The following GLE1 variants were observed in gnomAD, a reference collection of about 807,000 sequenced individuals.
The protein encoded by GLE1 is mRNA export factor GLE1.
In GLE1, 78 loss-of-function variants were observed where a neutral mutation model predicts 97.3. The observed-to-expected ratio is 0.80, with a 90% confidence interval of 0.67 to 0.97. The LOEUF is 0.97. Ranked by LOEUF, GLE1 falls within the 50% of genes least tolerant of loss-of-function variation. The probability of loss-of-function intolerance (pLI) is 0.00; values close to 1 mark genes in which losing one functional copy is unlikely to be tolerated. For synonymous variants in GLE1, 302 were observed against 313.4 expected, an observed-to-expected ratio of 0.96 and a Z score of 0.39; for missense variants, 753 against 857.5, an observed-to-expected ratio of 0.88 and a Z score of 1.52.
At chr9:128,512,020 G>T (rs1846840312) in intron 2 of GLE1, among the ~76,000 whole-genome samples, 2 of 152,106 alleles carry the variant, frequency 1.3e-5, no homozygotes, top group African/African-American at 4.8e-5. Context: ...ATGTTGGCCA[G>T]GCTGGTCTCG....
At chr9:128,505,996 TA>T (rs1235507461) in intron 1 of GLE1, among the ~76,000 whole-genome samples, 2 of 152,228 alleles carry the variant, frequency 1.3e-5, no homozygotes, top group African/African-American at 2.4e-5. Context: ...CCATTACTTT[TA>T]TTATTTATTT....
At chr9:128,517,342 G>A (rs78174899) in intron 3 of GLE1, among the ~76,000 whole-genome samples, 1,603 of 152,234 alleles carry the variant, frequency 0.011, 32 homozygotes, top group East Asian at 0.074. Context: ...TGCCTCATTG[G>A]TCATTGAGTC....
chr9:128,511,285 T>C (rs1846813581), intron 2 of GLE1, among the ~76,000 whole-genome samples: 1 of 148,784 alleles, frequency 6.7e-6, no homozygotes, highest in South Asian at 2.1e-4. Flanking sequence ...CATAAATATA[T>C]ATATTTATGT....
rs1478440759 is a variant in GLE1 at position 128,527,505 on chromosome 9, G to A, written c.1292G>A (p.Ser431Asn). 1 of 1,611,524 alleles carries A rather than the reference G, an allele frequency of 6.2e-7. No individual in the cohort carries two copies. The highest frequency in any genetic ancestry group is 8.5e-7 in the Non-Finnish European group (1 of 1,177,780). Residue 431 changes from serine (S) to asparagine (N), a missense_variant, in exon 9 of 16, where the codon AGC becomes AAC. Physicochemically the swap from Ser to Asn is conservative, Grantham distance 46. Transcript: ENST00000309971. ...CAGAAGGCTGCTACCATCCCAGTGA[G>A]CCAAATCTCTACCATTGCAGGTTGG... The part of the protein sequence containing the change: ...DLQKAATIPV[S>N]QISTIAGSKL...
chr9:128,528,507 G>A (rs1847379075), intron 9 of GLE1, among the ~76,000 whole-genome samples: 1 of 151,796 alleles, frequency 6.6e-6, no homozygotes, highest in East Asian at 1.9e-4. Flanking sequence ...GTTTCACCGT[G>A]TTAACCAGGA....
In GLE1 at chr9:128,523,863, A is replaced by G. The variant is rs746263755; in HGVS notation, c.897+17A>G. 6 of 1,613,560 alleles carry G rather than the reference A, an allele frequency of 3.7e-6. No individual in the cohort carries two copies. Among genetic ancestry groups the G allele is most frequent in the Non-Finnish European group, 5.1e-6 (6 of 1,179,774 alleles). On this transcript the variant is annotated intron_variant, in intron 6 of 15. Transcript: ENST00000309971. ...TCTTCAGAGGTGAGGGGGGCTTCAG[A>G]GTGACTCTTTGCTGTCTTTGAAATG...
At chr9:128,514,569 A>G (rs1846923851) in intron 2 of GLE1, among the ~76,000 whole-genome samples, 1 of 151,250 alleles carries the variant, frequency 6.6e-6, no homozygotes, top group South Asian at 2.1e-4. Flanking sequence ...CAGCCTCCCG[A>G]GTAGCTGGGA....
Position 128,523,828 on chromosome 9 carries a change from C to T in GLE1, c.879C>T (p.Ile293=). The T allele has an allele frequency of 1.2e-6, 2 of 1,614,042 alleles. No individual in the cohort carries two copies. The highest frequency in any genetic ancestry group is 1.3e-5 in the African/African-American group (1 of 75,040). The stretch of plus-strand genomic sequence containing the variant: ...AGCTGTGCAGCCTCATCTCAGGGAT[C>T]ATCCGGGCCTCTTCAGAGGTGAGGG... ...GNQLCSLISG[I]IRASSESSYP... The change falls in exon 6 of 16, where the codon ATC becomes ATT. Residue 293 remains isoleucine (I), a synonymous_variant. Transcript: ENST00000309971.
intron 9 of GLE1, 53 bp from the exon 10 acceptor site, chr9:128,533,460 A>G: frequency 2.1e-6 from 3 of 1,414,588 alleles, no homozygotes; most frequent in South Asian, 1.2e-5. Flanking sequence ...AAAGGAAAAG[A>G]AAAAGAGATT....
chr9:128,533,527 G>A lies in GLE1; in HGVS notation c.1327G>A (p.Glu443Lys). The change falls in exon 10 of 16, where the codon GAG becomes AAG. Residue 443 changes from glutamate to lysine, a missense_variant. Transcript: ENST00000309971. The stretch of plus-strand genomic sequence containing the variant: ...ATCATGCTCAGGCTCAAAACTGAAG[G>A]AGATCTTTGACAAGATCCACAGCCT... ...ISTIAGSKLK[E>K]IFDKIHSLLS... is the part of the protein sequence containing the mutation. The A allele has an allele frequency of 1.9e-6, 3 of 1,611,724 alleles. No individual in the cohort carries two copies. Among genetic ancestry groups the A allele is most frequent in the Non-Finnish European group, 2.5e-6 (3 of 1,178,272 alleles).
At chr9:128,508,488 A>G (rs1240956313) in intron 1 of GLE1, among the ~76,000 whole-genome samples, 2 of 152,226 alleles carry the variant, frequency 1.3e-5, no homozygotes, top group African/African-American at 4.8e-5. Context: ...CAATGACAAG[A>G]TCACCTAACC....
At chr9:128,533,253 A>G (rs1021278134) in intron 9 of GLE1, among the ~76,000 whole-genome samples, 1 of 150,868 alleles carries the variant, frequency 6.6e-6, no homozygotes, top group African/African-American at 2.4e-5. Context: ...GTGAAATCCC[A>G]TCTCTACAAA....
intron 9 of GLE1, among the ~76,000 whole-genome samples, chr9:128,531,324 T>G (rs1029086294): frequency 6.6e-6 from 1 of 150,686 alleles, no homozygotes; most frequent in Non-Finnish European, 1.5e-5. Context: ...GGTCAGGAGT[T>G]CAAGACCAGC....
At chr9:128,534,828 C>G (rs1285997303) in intron 11 of GLE1, among the ~76,000 whole-genome samples, 1 of 151,742 alleles carries the variant, frequency 6.6e-6, no homozygotes, top group Non-Finnish European at 1.5e-5. Context: ...AAGTGATTAT[C>G]CTGCCTCAGC....
rs370400964 is a variant in GLE1 at position 128,533,560 on chromosome 9, G to A, written c.1360G>A (p.Gly454Arg). The change falls in exon 10 of 16, where the codon GGA becomes AGA. Residue 454 changes from glycine to arginine, a missense_variant. Physicochemically the swap from Gly to Arg is moderately radical, Grantham distance 125. Coordinates refer to ENST00000309971, the MANE Select transcript of GLE1 (RefSeq NM_001003722.2). Reference sequence around the variant, plus strand: ...TGACAAGATCCACAGCCTGCTCTCTGGAAAACCTGTTCAATCTGGTGGGCG... The same window carrying A: ...TGACAAGATCCACAGCCTGCTCTCTAGAAAACCTGTTCAATCTGGTGGGCG... ...IFDKIHSLLS[G>R]KPVQSGGRSV... is the part of the protein sequence containing the mutation. 2 of 1,613,326 alleles carry A rather than the reference G, an allele frequency of 1.2e-6. No homozygotes were observed. Among genetic ancestry groups the A allele is most frequent in the African/African-American group, 2.7e-5 (2 of 74,854 alleles).
chr9:128,522,573 C>T, intron 3 of GLE1, 95 bp from the exon 4 acceptor site: 1 of 1,362,110 alleles, frequency 7.3e-7, no homozygotes, highest in Non-Finnish European at 9.9e-7. Context: ...ATCGCTTGAA[C>T]CCGGGAGTTG....
In GLE1 at chr9:128,522,771, A is replaced by T. The variant is rs371902708; in HGVS notation, c.536A>T (p.Lys179Met). 19 of 1,613,902 alleles carry T rather than the reference A, an allele frequency of 1.2e-5. No homozygotes were observed. Among genetic ancestry groups the T allele is most frequent in the African/African-American group, 2.7e-5 (2 of 74,878 alleles). ...LKRFDEWKEL[K>M]QHKEFQDLRE... ...CGGTTTGATGAATGGAAGGAACTGA[A>T]GCAGCATAAAGAATTCCAGGACTTG... The change falls in exon 4 of 16, where the codon AAG (lysine) becomes ATG (methionine). Residue 179 changes from lysine (K) to methionine (M), a missense_variant. Coordinates refer to ENST00000309971, the MANE Select transcript of GLE1 (RefSeq NM_001003722.2).
intron 3 of GLE1, 27 bp downstream of exon 3, chr9:128,515,666 C>A: frequency 8.1e-7 from 1 of 1,241,714 alleles, no homozygotes; most frequent in Non-Finnish European, 1.2e-6. Context: ...AGGAAGGCAG[C>A]CTTGATCCTG....
intron 1 of GLE1, 67 bp downstream of exon 1, chr9:128,504,971 G>C (rs1380090961): frequency 9.5e-7 from 1 of 1,056,860 alleles, no homozygotes; most frequent in Admixed American, 1.7e-5. Context: ...CTCCCTAGCC[G>C]TTGGCACGTT....
Sources: allele counts gnomAD v4.1 joint callset (sites outside exome capture counted in the v4.1 genomes callset), GRCh38; gene constraint gnomAD v4.1.1; transcripts MANE v1.5; gene names NCBI Gene and HGNC (gene_info 2026-07-23, HGNC 2026-07-21).